Variants in LEKR1 observed in about 807,000 individuals in gnomAD.
The protein encoded by LEKR1 is protein LEKR1.
A neutral mutation model predicts 72.4 loss-of-function variants in LEKR1; 59 were observed. The observed-to-expected ratio is 0.82, with a 90% confidence interval of 0.66 to 1.01. LEKR1 has a LOEUF of 1.01. LEKR1 is among the 50% of genes least tolerant of loss of function. The pLI, the probability that LEKR1 is intolerant of heterozygous loss-of-function variation, is 0.00. For synonymous variants in LEKR1, 257 were observed against 263.2 expected (o/e 0.98, Z 0.23); for missense variants, 728 against 759.2 (o/e 0.96, Z 0.48).
chr3:157,037,254 A>C (rs556844840), intron 12 of LEKR1, among the ~76,000 whole-genome samples: 1 of 152,322 alleles, frequency 6.6e-6, no homozygotes, highest in East Asian at 1.9e-4. Context: ...TATTCCTGGG[A>C]GGCAGGACTT....
At chr3:156,959,954 A>G (rs897139848) in intron 6 of LEKR1, among the ~76,000 whole-genome samples, 4 of 151,928 alleles carry the variant, frequency 2.6e-5, no homozygotes, top group Non-Finnish European at 4.4e-5. Flanking sequence ...CCCCCCACCC[A>G]TGTTCCCTAC....
intron 3 of LEKR1, among the ~76,000 whole-genome samples, chr3:156,909,063 G>A (rs1722845517): frequency 6.6e-6 from 1 of 152,072 alleles, no homozygotes; most frequent in Non-Finnish European, 1.5e-5. Context: ...GGTTTTATAA[G>A]GGGAAAACCC....
At chr3:156,877,907 TTAG>T (rs1281817141) in intron 3 of LEKR1, among the ~76,000 whole-genome samples, 1 of 151,920 alleles carries the variant, frequency 6.6e-6, no homozygotes, top group East Asian at 1.9e-4. Flanking sequence ...CTCAGCCTCC[TTAG>T]TAGCTGGGAT....
In LEKR1 at chr3:156,942,622, C is replaced by T; in HGVS notation, c.653C>T (p.Ala218Val). ...AAAAATCTGAAATTGTTGTCAGATG[C>T]AGCCATATTGAGATCTCAGCAGATT... ...EMKNLKLLSD[A>V]AILRSQQIRT... The change falls in exon 6 of 13, where the codon GCA becomes GTA. Residue 218 changes from alanine (A) to valine (V), a missense_variant. Physicochemically the swap from Ala to Val is moderately conservative, Grantham distance 64. Transcript: ENST00000356539. 1 of 1,264,890 alleles carries T rather than the reference C, an allele frequency of 7.9e-7. No homozygotes were observed. The highest frequency in any genetic ancestry group is 1.0e-6 in the Non-Finnish European group (1 of 974,210). The allele number at this position is 1,264,890 out of a possible 1,614,324, so 78.4% of individuals were successfully genotyped here. A position where few individuals can be genotyped will look rare whatever the true frequency, so the allele number is the denominator to read the frequency against.
At chr3:156,979,416 G>C (rs1018544731) in intron 7 of LEKR1, 141 bp downstream of exon 7, 1 of 354,852 alleles carries the variant, frequency 2.8e-6, no homozygotes, top group Non-Finnish European at 5.5e-6. Context: ...TTACTGGTGT[G>C]GGTAATAGTT....
Position 157,028,309 on chromosome 3 carries a change from G to A in LEKR1, c.1575G>A (p.Leu525=). The stretch of plus-strand genomic sequence containing the variant: ...GTAATGATTCAGTTTCAGAAAACTT[G>A]AGGAAGGAAATGGAACAGAAGTCGG... The part of the protein sequence containing the change: ...IDSNDSVSEN[L]RKEMEQKSDE... Residue 525 remains leucine, a synonymous_variant, in exon 12 of 13, where the codon TTG becomes TTA. Transcript: ENST00000356539. 5 of 1,613,464 alleles carry A rather than the reference G, an allele frequency of 3.1e-6. No individual in the cohort carries two copies. The highest frequency in any genetic ancestry group is 2.5e-6 in the Non-Finnish European group (3 of 1,179,662).
chr3:156,882,362 A>G (rs1324629663), intron 3 of LEKR1, among the ~76,000 whole-genome samples: 2 of 151,964 alleles, frequency 1.3e-5, no homozygotes, highest in African/African-American at 4.8e-5. Context: ...GACACTTCTC[A>G]AAAGAAGACA....
intron 2 of LEKR1, among the ~76,000 whole-genome samples, chr3:156,838,461 CCA>C (rs1369492450): frequency 6.6e-6 from 1 of 152,146 alleles, no homozygotes; most frequent in African/African-American, 2.4e-5. Flanking sequence ...CTCCCCAAAC[CCA>C]GAGTCTTCCT....
At chr3:156,911,910 A>G (rs1576806049) in intron 3 of LEKR1, among the ~76,000 whole-genome samples, 1 of 151,826 alleles carries the variant, frequency 6.6e-6, no homozygotes, top group South Asian at 2.1e-4. Context: ...CTGTAGCCTT[A>G]TGGTATAGTT....
intron 3 of LEKR1, among the ~76,000 whole-genome samples, chr3:156,920,089 C>T (rs1724051148): frequency 6.6e-6 from 1 of 152,026 alleles, no homozygotes; most frequent in African/African-American, 2.4e-5. Flanking sequence ...TCGCTTGATG[C>T]AGCTATCCAA....
At chr3:157,000,859 A>C (rs1275096711) in intron 9 of LEKR1, among the ~76,000 whole-genome samples, 1 of 152,162 alleles carries the variant, frequency 6.6e-6, no homozygotes, top group African/African-American at 2.4e-5. Context: ...AAGGGAGAGA[A>C]TAGGTGGAGG....
At chr3:156,924,579 A>C in intron 4 of LEKR1, 3 of 639,566 alleles carry the variant, frequency 4.7e-6, no homozygotes, top group South Asian at 1.8e-5. Flanking sequence ...AGTGTTTTAT[A>C]GTTTTAGCTC....
At chr3:156,867,191 A>G (rs1717407164) in intron 3 of LEKR1, among the ~76,000 whole-genome samples, 1 of 152,128 alleles carries the variant, frequency 6.6e-6, no homozygotes, top group Non-Finnish European at 1.5e-5. Flanking sequence ...ATTAAATGAA[A>G]GGATGTCAAG....
intron 5 of LEKR1, among the ~76,000 whole-genome samples, chr3:156,942,259 A>G (rs1187481736): frequency 1.3e-5 from 2 of 152,040 alleles, no homozygotes; most frequent in Non-Finnish European, 1.5e-5. Flanking sequence ...GTATTTAAAA[A>G]GCAGGCTGTA....
At chr3:156,905,212 C>A (rs1329309090) in intron 3 of LEKR1, among the ~76,000 whole-genome samples, 1 of 152,032 alleles carries the variant, frequency 6.6e-6, no homozygotes, top group Non-Finnish European at 1.5e-5. Context: ...ATCCTTAACT[C>A]AATAGGGCAA....
intron 3 of LEKR1, among the ~76,000 whole-genome samples, chr3:156,864,931 T>G (rs747591510): frequency 7.2e-5 from 11 of 152,166 alleles, no homozygotes; most frequent in Non-Finnish European, 1.6e-4. Flanking sequence ...CTACATTCTC[T>G]CTTCAGTTTC....
At chr3:157,016,623 T>C (rs1733362436) in intron 10 of LEKR1, among the ~76,000 whole-genome samples, 1 of 112,236 alleles carries the variant, frequency 8.9e-6, no homozygotes, top group African/African-American at 3.4e-5. Flanking sequence ...CAGATGGAAA[T>C]ATGGATCTAC....
At chr3:156,837,130 A>C (rs1247066815) in intron 2 of LEKR1, among the ~76,000 whole-genome samples, 1 of 152,276 alleles carries the variant, frequency 6.6e-6, no homozygotes, top group Non-Finnish European at 1.5e-5. Context: ...AGTCTTTTAC[A>C]AGCCCAGATG....
intron 3 of LEKR1, among the ~76,000 whole-genome samples, chr3:156,875,187 A>G (rs1718411146): frequency 6.6e-6 from 1 of 152,148 alleles, no homozygotes; most frequent in African/African-American, 2.4e-5. Context: ...ATCCACACCA[A>G]CATCTATTAT....
Sources: allele counts gnomAD v4.1 joint callset (sites outside exome capture counted in the v4.1 genomes callset), GRCh38; gene constraint gnomAD v4.1.1; transcripts MANE v1.5; gene names NCBI Gene and HGNC (gene_info 2026-07-23, HGNC 2026-07-21).